Variants in GRM8 observed in about 807,000 individuals in gnomAD.
GRM8 encodes the protein metabotropic glutamate receptor 8.
In GRM8, 47 loss-of-function variants were observed where a neutral mutation model predicts 87.2. The observed-to-expected ratio is 0.54, with a 90% confidence interval of 0.43 to 0.69. The LOEUF is 0.69. Among genes scored for constraint, GRM8 ranks in the 30% least tolerant of loss-of-function variants. GRM8 has a pLI of 0.00. For synonymous variants in GRM8, 396 were observed against 404.5 expected, an observed-to-expected ratio of 0.98 and a Z score of 0.25; for missense variants, 1,019 against 1,139.2, an observed-to-expected ratio of 0.89 and a Z score of 1.52.
intron 9 of GRM8, among the ~76,000 whole-genome samples, chr7:126,469,642 C>A (rs1266351687): frequency 1.3e-5 from 2 of 152,122 alleles, no homozygotes; most frequent in Non-Finnish European, 2.9e-5. Context: ...CGTCCTACTG[C>A]CATGTGAAGA....
At chr7:127,244,307 A>G (rs1587365641) in intron 1 of GRM8, among the ~76,000 whole-genome samples, 1 of 152,264 alleles carries the variant, frequency 6.6e-6, no homozygotes, top group Admixed American at 6.5e-5. Flanking sequence ...AGAGTTGTCA[A>G]TCAATTGAAG....
intron 7 of GRM8, among the ~76,000 whole-genome samples, chr7:126,627,896 C>T (rs948004326): frequency 6.6e-6 from 1 of 152,038 alleles, no homozygotes; most frequent in South Asian, 2.1e-4. Flanking sequence ...CTATTGGATT[C>T]GATCTGCTAA....
chr7:126,867,420 T>C (rs1309706185), intron 6 of GRM8, among the ~76,000 whole-genome samples: 3 of 152,214 alleles, frequency 2.0e-5, no homozygotes, highest in African/African-American at 7.2e-5. Flanking sequence ...ACTGTAGGTT[T>C]ATTTGACATT....
At chr7:126,531,902 T>C (rs1247881324) in intron 9 of GRM8, among the ~76,000 whole-genome samples, 2 of 152,218 alleles carry the variant, frequency 1.3e-5, no homozygotes, top group Admixed American at 6.5e-5. Context: ...AATTACCCCA[T>C]GACGTTTCAT....
In GRM8 at chr7:127,172,285, G is replaced by A. The variant is rs574848248; in HGVS notation, c.511-65573C>T. ...CCAATAATTGGTTCTTTCCCTTTGTGCAAAAATTTATACTAATGTAATTAA... is the reference window on the plus strand; with the variant it reads ...CCAATAATTGGTTCTTTCCCTTTGTACAAAAATTTATACTAATGTAATTAA... On this transcript the variant is annotated intron_variant, in intron 2 of 10. Coordinates refer to ENST00000339582, the MANE Select transcript of GRM8 (RefSeq NM_000845.3). 1.6e-3 allele frequency among the ~76,000 whole-genome samples: 245 copies of A among 151,802 alleles called. 1 individual carries two copies. The highest frequency in any genetic ancestry group is 2.5e-3 in the Non-Finnish European group (172 of 67,940).
chr7:126,721,604 C>T (rs531322906), intron 7 of GRM8, among the ~76,000 whole-genome samples: 2 of 152,108 alleles, frequency 1.3e-5, no homozygotes, highest in African/African-American at 4.8e-5. Context: ...TTCAATTTAC[C>T]TAATACTTTC....
intron 3 of GRM8, among the ~76,000 whole-genome samples, chr7:126,927,012 T>C (rs1019712350): frequency 9.9e-5 from 15 of 152,234 alleles, no homozygotes; most frequent in African/African-American, 3.6e-4. Context: ...GAACCCTTAG[T>C]AGTGGTAAAT....
At chr7:127,013,785 T>A (rs1229263440) in intron 3 of GRM8, among the ~76,000 whole-genome samples, 1 of 152,182 alleles carries the variant, frequency 6.6e-6, no homozygotes, top group Non-Finnish European at 1.5e-5. Context: ...ACTGAAGGAA[T>A]GTCAAGCATA....
intron 6 of GRM8, among the ~76,000 whole-genome samples, 195 bp from the exon 7 acceptor site, chr7:126,770,260 T>G (rs1818694145): frequency 6.6e-6 from 1 of 152,142 alleles, no homozygotes; most frequent in African/African-American, 2.4e-5. Context: ...GTAAAACTAT[T>G]TCATTAGCAA....
chr7:126,774,280 A>T (rs1431417550), intron 6 of GRM8, among the ~76,000 whole-genome samples: 7 of 152,154 alleles, frequency 4.6e-5, no homozygotes, highest in African/African-American at 1.7e-4. Flanking sequence ...CTCACTTCCT[A>T]TATTTGATTC....
intron 2 of GRM8, chr7:127,229,060 A>T (rs1797521696): frequency 6.6e-6 from 1 of 152,232 alleles, no homozygotes; most frequent in African/African-American, 2.4e-5. Context: ...AAAATTTATC[A>T]CATACTATGC....
chr7:127,235,919 G>A (rs1462117785), intron 2 of GRM8, among the ~76,000 whole-genome samples: 1 of 152,194 alleles, frequency 6.6e-6, no homozygotes, highest in Non-Finnish European at 1.5e-5. Flanking sequence ...AATCATGTGT[G>A]CATGTGTTAT....
chr7:127,051,127 C>T (rs1819426704), intron 3 of GRM8, among the ~76,000 whole-genome samples: 1 of 152,076 alleles, frequency 6.6e-6, no homozygotes, highest in African/African-American at 2.4e-5. Flanking sequence ...ACCCACAAGT[C>T]AACTCCTAGA....
intron 6 of GRM8, among the ~76,000 whole-genome samples, chr7:126,847,914 G>T (rs1369232818): frequency 6.6e-6 from 1 of 152,152 alleles, no homozygotes; most frequent in African/African-American, 2.4e-5. Flanking sequence ...CTTCCAGCAA[G>T]ACTTAAAGTG....
At chr7:126,612,008 A>G (rs975564469) in intron 7 of GRM8, among the ~76,000 whole-genome samples, 3 of 152,182 alleles carry the variant, frequency 2.0e-5, no homozygotes, top group Admixed American at 6.5e-5. Context: ...CATTGGGTTC[A>G]AACGCCCCTC....
chr7:126,678,414 T>C (rs934381737), intron 7 of GRM8, among the ~76,000 whole-genome samples: 1 of 152,176 alleles, frequency 6.6e-6, no homozygotes, highest in Non-Finnish European at 1.5e-5. Context: ...ACGTCTTTCA[T>C]CCATAAAAAA....
intron 7 of GRM8, among the ~76,000 whole-genome samples, chr7:126,663,114 C>T (rs1335405063): frequency 6.6e-6 from 1 of 152,186 alleles, no homozygotes; most frequent in East Asian, 1.9e-4. Flanking sequence ...AGATTTTAAG[C>T]ACTGAGCAGA....
At chr7:126,870,612 G>A (rs1362626499) in intron 6 of GRM8, 1 of 152,154 alleles carries the variant, frequency 6.6e-6, no homozygotes, top group Non-Finnish European at 1.5e-5. Context: ...GAAAGCAATG[G>A]GGGAACAGCA....
intron 3 of GRM8, among the ~76,000 whole-genome samples, chr7:127,077,494 G>C (rs2132740042): frequency 6.6e-6 from 1 of 152,252 alleles, no homozygotes; most frequent in Admixed American, 6.5e-5. Flanking sequence ...TTATAGCCTA[G>C]CTACTGGGGT....
Sources: allele counts gnomAD v4.1 joint callset (sites outside exome capture counted in the v4.1 genomes callset), GRCh38; gene constraint gnomAD v4.1.1; transcripts MANE v1.5; gene names NCBI Gene and HGNC (gene_info 2026-07-23, HGNC 2026-07-21).